The following ZNF552 variants were observed in gnomAD, a reference collection of about 807,000 sequenced individuals.
ZNF552 encodes the protein zinc finger protein 552.
In ZNF552, 2 loss-of-function variants were observed where a neutral mutation model predicts 7.2. That is an observed-to-expected ratio of 0.28 (90% CI 0.11 to 0.88). The LOEUF (loss-of-function observed/expected upper bound fraction) is 0.88. Ranked by LOEUF, ZNF552 falls within the 40% of genes least tolerant of loss-of-function variation. The pLI is 0.60. For synonymous variants in ZNF552, 173 were observed against 176.5 expected (o/e 0.98, Z 0.16); for missense variants, 421 against 493.4 (o/e 0.85, Z 1.39).
Position 57,808,022 on chromosome 19 carries a change from A to C in ZNF552, c.*18T>G, listed in dbSNP as rs1339437336. On this transcript the variant is annotated 3_prime_UTR_variant, in exon 3 of 3. Coordinates refer to ENST00000391701, the MANE Select transcript of ZNF552 (RefSeq NM_024762.3). ...GGTGTGTATTCTCCAATATTTAATG[A>C]GACTGGACTCACTGCACTCATAAGC... The C allele has an allele frequency of 6.3e-7, 1 of 1,584,930 alleles. No homozygotes were observed.
chr19:57,813,601 A>G (rs1987898727), intron 1 of ZNF552, among the ~76,000 whole-genome samples, 181 bp from the exon 2 acceptor site: 1 of 152,068 alleles, frequency 6.6e-6, no homozygotes, highest in Non-Finnish European at 1.5e-5. Flanking sequence ...ACAAATAGGT[A>G]TCTGTGCGGT....
chr19:57,813,205 C>T (rs1472948844), intron 2 of ZNF552, 89 bp downstream of exon 2: 1 of 1,580,806 alleles, frequency 6.3e-7, no homozygotes, highest in Non-Finnish European at 8.6e-7. Flanking sequence ...TGTGTCCATG[C>T]TCCTGACATG....
Position 57,808,250 on chromosome 19 carries a change from T to G in ZNF552, c.1014A>C (p.Thr338=). ...TGTGAACTCTCTTATGAACACGGAA[T>G]GTAGAGCTGTGGGTAAATGACTTCC... ...DCGKSFTHSS[T]FRVHKRVHTG... is the part of the protein sequence containing the mutation. The change falls in exon 3 of 3, where the codon ACA becomes ACC. Residue 338 remains threonine (T), a synonymous_variant. Transcript: ENST00000391701. 1.2e-6 allele frequency: 2 copies of G among 1,614,102 alleles called. No homozygotes were observed. The highest frequency in any genetic ancestry group is 1.7e-6 in the Non-Finnish European group (2 of 1,180,014).
At position 57,807,552 on chromosome 19, in the gene ZNF552, CAAAAAA is replaced by C. The variant is rs966245361; in HGVS notation, c.*482_*487del. ...CCTGGGTGACAGAGCGAGGCTGTCT[CAAAAAA>C]AAGAAAAAGAAAATTCAAGACTTAT... is the stretch of plus-strand genomic sequence containing the variant. On this transcript the variant is annotated 3_prime_UTR_variant, in exon 3 of 3. Coordinates refer to ENST00000391701, the MANE Select transcript of ZNF552 (RefSeq NM_024762.3). The C allele has an allele frequency of 6.5e-6, 1 of 152,902 alleles. No homozygotes were observed. Among genetic ancestry groups the C allele is most frequent in the African/African-American group, 2.4e-5 (1 of 41,128 alleles). The allele number at this position is 152,902 out of a possible 1,614,324, so 9.5% of individuals were successfully genotyped here. A position where few individuals can be genotyped will look rare whatever the true frequency, so the allele number is the denominator to read the frequency against.
In ZNF552 at chr19:57,807,816, G is replaced by A. The variant is rs1600089853; in HGVS notation, c.*224C>T. On this transcript the variant is annotated 3_prime_UTR_variant, in exon 3 of 3. Transcript: ENST00000391701. ...TAAATATCCTGTATTTGTCACACTAGTAAGGCCTTCATTCAGTGTTAACTA... is the reference window on the plus strand; with the variant it reads ...TAAATATCCTGTATTTGTCACACTAATAAGGCCTTCATTCAGTGTTAACTA... 2 of 610,648 alleles carry A rather than the reference G, an allele frequency of 3.3e-6. No individual in the cohort carries two copies. The highest frequency in any genetic ancestry group is 3.2e-5 in the East Asian group (1 of 30,834). 37.8% of individuals were successfully genotyped at this position (610,648 alleles called of 1,614,324 possible).
Position 57,808,089 on chromosome 19 carries a change from A to AC in ZNF552, c.1174_1175insG (p.Ile392SerfsTer34). On this transcript the variant is annotated frameshift_variant, in exon 3 of 3. Coordinates refer to ENST00000391701, the MANE Select transcript of ZNF552 (RefSeq NM_024762.3). LOFTEE classifies it low-confidence loss of function (END_TRUNC). The stretch of plus-strand genomic sequence containing the variant: ...TCTCTGATGATGACGAAGTGAAGAG[A>AC]TTTGCCTAAATTTTTTTTCACATTC... The AC allele has an allele frequency of 6.2e-7, 1 of 1,613,898 alleles. No homozygotes were observed. Among genetic ancestry groups the AC allele is most frequent in the South Asian group, 1.1e-5 (1 of 91,064 alleles).
chr19:57,813,061 A>T (rs12979519), intron 2 of ZNF552: 94,656 of 589,204 alleles, frequency 0.16, 7,956 homozygotes, highest in Non-Finnish European at 0.17. Flanking sequence ...GGTAGCCTGC[A>T]TTAAGTTGCC....
chr19:57,814,692 C>A lies in ZNF552; in HGVS notation c.33+19G>T. 6.2e-7 allele frequency: 1 copy of A among 1,614,052 alleles called. No individual in the cohort carries two copies. Among genetic ancestry groups the A allele is most frequent in the African/African-American group, 1.3e-5 (1 of 75,052 alleles). On this transcript the variant is annotated intron_variant, in intron 1 of 2. Transcript: ENST00000391701. ...GTGACTAGGAGGTGACCGGAGAGCA[C>A]GGAAGGCGCCACAATTACCTGAACG... is the stretch of plus-strand genomic sequence containing the variant.
At chr19:57,813,837 G>A (rs1447697679) in intron 1 of ZNF552, among the ~76,000 whole-genome samples, 1 of 147,644 alleles carries the variant, frequency 6.8e-6, no homozygotes, top group African/African-American at 2.5e-5. Context: ...TCCGCCTCCC[G>A]GGTTCAAGCG....
chr19:57,810,620 G>T (rs578089851), intron 2 of ZNF552, among the ~76,000 whole-genome samples: 31 of 152,264 alleles, frequency 2.0e-4, no homozygotes, highest in Non-Finnish European at 1.5e-4. Context: ...ACAAAACACT[G>T]CCTAGGAAAG....
At position 57,809,966 on chromosome 19, in the gene ZNF552, G is replaced by A. The variant is rs188476103; in HGVS notation, c.161-863C>T. Among the ~76,000 whole-genome samples the A allele has an allele frequency of 3.7e-3, 561 of 151,896 alleles. 5 individuals are homozygous for A. Among genetic ancestry groups the A allele is most frequent in the South Asian group, 8.9e-3 (43 of 4,816 alleles). The stretch of plus-strand genomic sequence containing the variant: ...AAACCTCTCTACAAACATTAGCCAG[G>A]TGTGATGGTGTGCACCTGCAGTCCT... On this transcript the variant is annotated intron_variant, in intron 2 of 2. Transcript: ENST00000391701.
At chr19:57,812,182 C>A (rs545042387) in intron 2 of ZNF552, among the ~76,000 whole-genome samples, 1 of 152,104 alleles carries the variant, frequency 6.6e-6, no homozygotes, top group African/African-American at 2.4e-5. Flanking sequence ...GCCTGGGCAA[C>A]AGAACAAGAC....
intron 1 of ZNF552, among the ~76,000 whole-genome samples, chr19:57,814,004 G>C (rs1410704692): frequency 6.6e-6 from 1 of 150,624 alleles, no homozygotes; most frequent in Non-Finnish European, 1.5e-5. Flanking sequence ...AAAGTGCTGG[G>C]ATTACAGGAG....
chr19:57,813,976 A>C (rs868574530), intron 1 of ZNF552, among the ~76,000 whole-genome samples: 1 of 151,432 alleles, frequency 6.6e-6, no homozygotes, highest in South Asian at 2.1e-4. Context: ...CCTCCGGACC[A>C]ACCCGCCTAG....
chr19:57,811,549 G>C (rs1467046861), intron 2 of ZNF552, among the ~76,000 whole-genome samples: 3 of 151,936 alleles, frequency 2.0e-5, no homozygotes, highest in Non-Finnish European at 4.4e-5. Context: ...CACAGGTGTG[G>C]AGAGGCAGGC....
Position 57,813,279 on chromosome 19 carries a change from G to A in ZNF552, c.160+15C>T. On this transcript the variant is annotated intron_variant, in intron 2 of 2. Coordinates refer to ENST00000391701, the MANE Select transcript of ZNF552 (RefSeq NM_024762.3). Reference sequence around the variant, plus strand: ...AGACTAGCTCAGGTCACAGGGGTGAGTGTGGGCAACTTACCCAGGGAGGAC... The same window carrying A: ...AGACTAGCTCAGGTCACAGGGGTGAATGTGGGCAACTTACCCAGGGAGGAC... 2 of 1,613,980 alleles carry A rather than the reference G, an allele frequency of 1.2e-6. No individual in the cohort carries two copies. Among genetic ancestry groups the A allele is most frequent in the Non-Finnish European group, 1.7e-6 (2 of 1,179,988 alleles).
At position 57,808,058 on chromosome 19, in the gene ZNF552, G is replaced by C. The variant is rs1987774512; in HGVS notation, c.1206C>G (p.His402Gln). The C allele has an allele frequency of 1.2e-6, 2 of 1,611,052 alleles. No homozygotes were observed. Among genetic ancestry groups the C allele is most frequent in the Middle Eastern group, 1.7e-4 (1 of 6,042 alleles). ...ISSLRHHQRV[H>Q]KRKGL ...ACTGCACTCATAAGCCCTTTCTTTTGTGAACTCTCTGATGATGACGAAGTG... is the reference window on the plus strand; with the variant it reads ...ACTGCACTCATAAGCCCTTTCTTTTCTGAACTCTCTGATGATGACGAAGTG... Residue 402 changes from histidine to glutamine, a missense_variant, in exon 3 of 3, where the codon CAC becomes CAG. His to Gln is a conservative substitution (Grantham distance 24). This residue lies in a region of ZNF552 where 299 missense variants were observed against 293.7 expected (regional missense o/e 1.02). Transcript: ENST00000391701.
rs202030726 is a variant in ZNF552, at chr19:57,808,039, C to T, written c.*1G>A. ...ATTTAATGAGACTGGACTCACTGCACTCATAAGCCCTTTCTTTTGTGAACT... is the reference window on the plus strand; with the variant it reads ...ATTTAATGAGACTGGACTCACTGCATTCATAAGCCCTTTCTTTTGTGAACT... On this transcript the variant is annotated 3_prime_UTR_variant, in exon 3 of 3. Transcript: ENST00000391701. 156 of 1,602,288 alleles carry T rather than the reference C, an allele frequency of 9.7e-5. 1 individual carries two copies. The East Asian group carries it at 1.3e-3, about 13-fold the overall frequency.
intron 2 of ZNF552, among the ~76,000 whole-genome samples, chr19:57,810,135 A>G (rs1209705651): frequency 6.6e-6 from 1 of 150,784 alleles, no homozygotes. Context: ...AGAGGAGAGG[A>G]GAGGGGAGGG....
Sources: gnomAD v4.1 joint callset for allele counts (sites outside exome capture counted in the v4.1 genomes callset) on GRCh38, gnomAD v4.1.1 for gene constraint, gnomAD v4.1.1 regional missense constraint, MANE v1.5 for transcripts, NCBI Gene and HGNC (gene_info 2026-07-23, HGNC 2026-07-21) for gene names.